The following CUBN variants were observed in gnomAD, a reference collection of about 807,000 sequenced individuals.
CUBN encodes the protein 460 kDa receptor.
Under a neutral mutation model 405.3 loss-of-function variants are expected in CUBN, and 282 were observed. The ratio of observed to expected loss-of-function variants is 0.70; its 90% CI spans 0.63 to 0.77. The LOEUF is 0.77. CUBN is among the 30% of genes least tolerant of loss of function. The pLI, the probability that CUBN is intolerant of heterozygous loss-of-function variation, is 0.00. For synonymous variants in CUBN, 1,684 were observed against 1,617.0 expected, an observed-to-expected ratio of 1.04 and a Z score of -0.99; for missense variants, 4,514 against 4,475.2, an observed-to-expected ratio of 1.01 and a Z score of -0.25.
chr10:17,012,924 T>A (rs1462899226), intron 28 of CUBN, among the ~76,000 whole-genome samples: 1 of 152,218 alleles, frequency 6.6e-6, no homozygotes, highest in African/African-American at 2.4e-5. Flanking sequence ...GACCTTTGTA[T>A]GGTAATTAAG....
At chr10:16,934,792 G>T (rs1244210451) in intron 39 of CUBN, among the ~76,000 whole-genome samples, 2 of 152,194 alleles carry the variant, frequency 1.3e-5, no homozygotes, top group Non-Finnish European at 2.9e-5. Flanking sequence ...TACTGCCATG[G>T]TCTCAGGCAA....
At chr10:17,024,968 A>C (rs534061507) in intron 27 of CUBN, among the ~76,000 whole-genome samples, 37 of 152,216 alleles carry the variant, frequency 2.4e-4, no homozygotes, top group Non-Finnish European at 4.1e-4. Context: ...TTAAGAATTA[A>C]TTAAATATAG....
intron 27 of CUBN, among the ~76,000 whole-genome samples, chr10:17,038,906 T>C (rs1447998955): frequency 6.6e-6 from 1 of 152,228 alleles, no homozygotes; most frequent in African/African-American, 2.4e-5. Flanking sequence ...AGAAATGGCA[T>C]GACCATAACA....
At chr10:16,943,662 G>C (rs1842713461) in intron 36 of CUBN, among the ~76,000 whole-genome samples, 1 of 152,176 alleles carries the variant, frequency 6.6e-6, no homozygotes, top group Non-Finnish European at 1.5e-5. Flanking sequence ...TCTATGCAAA[G>C]TGCATAATCC....
chr10:16,932,870 A>C (rs1442774233), intron 40 of CUBN, among the ~76,000 whole-genome samples: 1 of 152,196 alleles, frequency 6.6e-6, no homozygotes, highest in Non-Finnish European at 1.5e-5. Context: ...TTTTCCTTAT[A>C]GAAATGTGCT....
At chr10:17,048,556 C>T (rs1410674052) in intron 22 of CUBN, among the ~76,000 whole-genome samples, 1 of 151,906 alleles carries the variant, frequency 6.6e-6, no homozygotes, top group Admixed American at 6.6e-5. Flanking sequence ...TGGCTCACTG[C>T]AACCTCTGCC....
chr10:16,883,221 G>A (rs76836811), intron 56 of CUBN, among the ~76,000 whole-genome samples: 5 of 152,118 alleles, frequency 3.3e-5, no homozygotes, highest in Admixed American at 6.6e-5. Context: ...TCTCCTCTAC[G>A]GAGGCATGAT....
intron 31 of CUBN, among the ~76,000 whole-genome samples, chr10:16,980,905 AC>A (rs59510447): frequency 0.23 from 32,753 of 145,052 alleles, 3,731 homozygotes; most frequent in African/African-American, 0.28. Flanking sequence ...GAAAAAAAAA[AC>A]CCTTCAAAAT....
Position 17,040,369 on chromosome 10 carries a change from G to A in CUBN, c.4017+664C>T, listed in dbSNP as rs538793379. On this transcript the variant is annotated intron_variant, in intron 27 of 66. Coordinates refer to ENST00000377833, the MANE Select transcript of CUBN (RefSeq NM_001081.4). ...AAAGTTATTTTACTGATGATGAAAC[G>A]TAGATGCCAAAATAACCTCCCAATT... is the stretch of plus-strand genomic sequence containing the variant. 5.3e-5 allele frequency among the ~76,000 whole-genome samples: 8 copies of A among 152,178 alleles called. No individual in the cohort carries two copies. The South Asian group carries it at 8.3e-4, about 16-fold the overall frequency.
At chr10:16,983,196 A>G (rs1833325564) in intron 30 of CUBN, among the ~76,000 whole-genome samples, 1 of 152,208 alleles carries the variant, frequency 6.6e-6, no homozygotes, top group South Asian at 2.1e-4. Context: ...ATATAAGCCA[A>G]TAATAGAAAA....
At chr10:16,955,614 CA>C (rs1843040835) in intron 31 of CUBN, among the ~76,000 whole-genome samples, 3 of 152,090 alleles carry the variant, frequency 2.0e-5, no homozygotes, top group South Asian at 2.1e-4. Context: ...ATGTGTAAAT[CA>C]GGGGGGAAAT....
chr10:16,980,323 C>G (rs1311022024), intron 31 of CUBN, among the ~76,000 whole-genome samples: 1 of 152,204 alleles, frequency 6.6e-6, no homozygotes, highest in Admixed American at 6.5e-5. Flanking sequence ...CCATTTGACT[C>G]AGCAATCCCA....
chr10:16,834,907 A>C (rs1444893496), intron 64 of CUBN, 107 bp downstream of exon 64: 8 of 1,137,046 alleles, frequency 7.0e-6, no homozygotes, highest in African/African-American at 6.2e-5. Context: ...TTAATGAAAC[A>C]AATAAGAATC....
chr10:17,113,409 C>T (rs958412807), intron 8 of CUBN, among the ~76,000 whole-genome samples: 2 of 117,936 alleles, frequency 1.7e-5, no homozygotes, highest in Non-Finnish European at 3.5e-5. Flanking sequence ...GTGCTTTGCT[C>T]ATAGTAGGCA....
intron 44 of CUBN, 38 bp from the exon 45 acceptor site, chr10:16,918,838 C>A: frequency 1.3e-6 from 2 of 1,566,528 alleles, no homozygotes; most frequent in South Asian, 2.3e-5. Flanking sequence ...TTTACATGGT[C>A]AGATGCTTAT....
chr10:16,862,160 T>TCA (rs66664283), intron 59 of CUBN, among the ~76,000 whole-genome samples: 68,976 of 131,100 alleles, frequency 0.53, 20,439 homozygotes, highest in Non-Finnish European at 0.68. Flanking sequence ...TCTCTCTCTC[T>TCA]CACACACACA....
intron 27 of CUBN, among the ~76,000 whole-genome samples, chr10:17,020,283 T>C (rs971228329): frequency 6.6e-6 from 1 of 152,164 alleles, no homozygotes; most frequent in Non-Finnish European, 1.5e-5. Context: ...ACGGAAATAG[T>C]AGGCATTCAC....
At chr10:16,963,439 A>G (rs61841467) in intron 31 of CUBN, among the ~76,000 whole-genome samples, 20,600 of 151,790 alleles carry the variant, frequency 0.14, 1,744 homozygotes, top group Non-Finnish European at 0.19. Flanking sequence ...CATCCACCTC[A>G]GCCTCCCAAA....
At chr10:17,016,760 T>C (rs901742028) in intron 28 of CUBN, among the ~76,000 whole-genome samples, 6 of 152,100 alleles carry the variant, frequency 3.9e-5, no homozygotes, top group African/African-American at 1.2e-4. Flanking sequence ...AGGAGGCTTA[T>C]CATTAATAGG....
Sources: allele counts gnomAD v4.1 joint callset (sites outside exome capture counted in the v4.1 genomes callset), GRCh38; gene constraint gnomAD v4.1.1; transcripts MANE v1.5; gene names NCBI Gene and HGNC (gene_info 2026-07-23, HGNC 2026-07-21).